Variants in NLGN4X observed in about 807,000 individuals in gnomAD.
NLGN4X encodes neuroligin-4, X-linked.
NLGN4X carries 3 observed loss-of-function variants against 40.3 expected under a neutral mutation model. The ratio of observed to expected loss-of-function variants is 0.07; its 90% CI spans 0.03 to 0.19. NLGN4X has a LOEUF of 0.19. NLGN4X is among the 10% of genes least tolerant of loss of function. The pLI, the probability that NLGN4X is intolerant of heterozygous loss-of-function variation, is 1.00. For synonymous variants in NLGN4X, 270 were observed against 306.8 expected (o/e 0.88, Z 1.25); for missense variants, 382 against 708.3 (o/e 0.54, Z 5.23).
intron 3 of NLGN4X, among the ~76,000 whole-genome samples, chrX:5,922,347 T>C (rs781353692): frequency 1.3e-3 from 140 of 111,088 alleles, no homozygotes; most frequent in Non-Finnish European, 2.4e-3. Context: ...AAGGAGGAAA[T>C]TGAATGTTCC....
intron 2 of NLGN4X, among the ~76,000 whole-genome samples, chrX:6,146,871 CCCT>C (rs1462254590): frequency 9.0e-6 from 1 of 110,771 alleles, no homozygotes; most frequent in Admixed American, 9.6e-5. Context: ...ACTGCAACCT[CCCT>C]CCACCTCTCG....
chrX:6,078,481 A>G (rs1033188267), intron 2 of NLGN4X, among the ~76,000 whole-genome samples: 2 of 110,765 alleles, frequency 1.8e-5, no homozygotes, highest in African/African-American at 6.6e-5. Context: ...ATGTCTAGCA[A>G]CTCGCTACCG....
At chrX:5,938,660 GTTAGT>G (rs1167202305) in intron 3 of NLGN4X, among the ~76,000 whole-genome samples, 4 of 111,048 alleles carry the variant, frequency 3.6e-5, no homozygotes, top group African/African-American at 9.8e-5. Context: ...AAGGCCATGG[GTTAGT>G]TTAAAGCGTT....
At chrX:6,173,747 CA>C (rs1282349246) in intron 1 of NLGN4X, among the ~76,000 whole-genome samples, 1 of 111,806 alleles carries the variant, frequency 8.9e-6, no homozygotes, top group East Asian at 2.8e-4. Context: ...ACTGAGTTTC[CA>C]AATAACCCCA....
intron 5 of NLGN4X, among the ~76,000 whole-genome samples, chrX:5,896,236 T>C (rs960207982): frequency 8.9e-6 from 1 of 111,815 alleles, no homozygotes; most frequent in Non-Finnish European, 1.9e-5. Context: ...TATTTTGTTC[T>C]TGAAGAATAA....
intron 3 of NLGN4X, among the ~76,000 whole-genome samples, chrX:6,006,321 G>A (rs954496575): frequency 4.5e-5 from 5 of 110,963 alleles, no homozygotes; most frequent in African/African-American, 1.6e-4. Flanking sequence ...GAAGGAAAAA[G>A]TGTGGGCAGA....
intron 1 of NLGN4X, among the ~76,000 whole-genome samples, chrX:6,198,941 T>TA (rs995634624): frequency 8.9e-6 from 1 of 112,048 alleles, no homozygotes; most frequent in Non-Finnish European, 1.9e-5. Context: ...ATTTTTAAGT[T>TA]AAAAAGAAGT....
chrX:5,906,134 C>T (rs747693241), intron 4 of NLGN4X, among the ~76,000 whole-genome samples: 1 of 112,298 alleles, frequency 8.9e-6, no homozygotes, highest in Non-Finnish European at 1.9e-5. Flanking sequence ...GTTCTGACTG[C>T]TTTCTAAATC....
chrX:5,998,849 A>C (rs953850947), intron 3 of NLGN4X, among the ~76,000 whole-genome samples: 23 of 112,882 alleles, frequency 2.0e-4, no homozygotes, highest in African/African-American at 7.4e-4. Context: ...ACTTTTGTCC[A>C]AAACAGGACT....
chrX:6,191,564 A>T (rs1353985720), intron 1 of NLGN4X, among the ~76,000 whole-genome samples: 5 of 111,545 alleles, frequency 4.5e-5, no homozygotes, highest in African/African-American at 1.6e-4. Flanking sequence ...AAAATACAAA[A>T]ATTAGCTGGG....
intron 2 of NLGN4X, among the ~76,000 whole-genome samples, chrX:6,030,394 A>ATGTG (rs35006258): frequency 0.13 from 13,319 of 99,988 alleles, 790 homozygotes; most frequent in Non-Finnish European, 0.17. Flanking sequence ...GGATACAGAT[A>ATGTG]TGTGTGTGTG....
At chrX:6,059,978 T>C (rs186877090) in intron 2 of NLGN4X, among the ~76,000 whole-genome samples, 1 of 112,117 alleles carries the variant, frequency 8.9e-6, no homozygotes, top group East Asian at 2.8e-4. Context: ...AAAAATTAAA[T>C]ACCTAATAAA....
intron 1 of NLGN4X, among the ~76,000 whole-genome samples, chrX:6,181,455 A>G (rs1921443333): frequency 8.9e-6 from 1 of 111,861 alleles, no homozygotes; most frequent in East Asian, 2.8e-4. Flanking sequence ...CCCGCTGCTT[A>G]TAAGAGAACA....
chrX:5,896,135 A>G (rs1341126949), intron 5 of NLGN4X, among the ~76,000 whole-genome samples: 1 of 112,088 alleles, frequency 8.9e-6, no homozygotes, highest in Non-Finnish European at 1.9e-5. Flanking sequence ...AGCAGTGAGC[A>G]TCTAGGAAAA....
At chrX:6,137,953 T>TAAC (rs2039856469) in intron 2 of NLGN4X, among the ~76,000 whole-genome samples, 1 of 111,597 alleles carries the variant, frequency 9.0e-6, no homozygotes, top group Non-Finnish European at 1.9e-5. Flanking sequence ...TCCCTCCTTG[T>TAAC]AACACCTCAG....
chrX:6,071,366 G>A, intron 2 of NLGN4X, among the ~76,000 whole-genome samples: 1 of 111,089 alleles, frequency 9.0e-6, no homozygotes. Context: ...GTGGGGCGGG[G>A]GGAGAGTAAT....
intron 3 of NLGN4X, among the ~76,000 whole-genome samples, chrX:5,913,603 C>G (rs764537415): frequency 1.8e-5 from 2 of 111,849 alleles, no homozygotes; most frequent in African/African-American, 3.3e-5. Context: ...AATTGAACAA[C>G]GAAAGAAAGA....
At chrX:6,222,859 CG>C (rs1209586207) in intron 1 of NLGN4X, among the ~76,000 whole-genome samples, 1 of 111,999 alleles carries the variant, frequency 8.9e-6, no homozygotes, top group Non-Finnish European at 1.9e-5. Flanking sequence ...CCCCTTCACT[CG>C]GTTCTCATTC....
intron 2 of NLGN4X, among the ~76,000 whole-genome samples, chrX:6,103,553 A>G (rs747456404): frequency 1.8e-5 from 2 of 111,997 alleles, no homozygotes; most frequent in Non-Finnish European, 3.8e-5. Context: ...ACATAACAAC[A>G]TCTGCGAAAT....
Sources: allele counts gnomAD v4.1 joint callset (sites outside exome capture counted in the v4.1 genomes callset), GRCh38; gene constraint gnomAD v4.1.1; transcripts MANE v1.5; gene names NCBI Gene and HGNC (gene_info 2026-07-23, HGNC 2026-07-21).